The following RPTOR variants were observed in gnomAD, a reference collection of about 807,000 sequenced individuals.
The protein encoded by RPTOR is regulatory associated protein of MTOR complex 1.
In RPTOR, 21 loss-of-function variants were observed where a neutral mutation model predicts 169.9. The ratio of observed to expected loss-of-function variants is 0.12; its 90% CI spans 0.09 to 0.18. The LOEUF (loss-of-function observed/expected upper bound fraction) is 0.18, where lower values mean the gene tolerates loss of function less well. Ranked by LOEUF, RPTOR falls within the 10% of genes least tolerant of loss-of-function variation. The probability of loss-of-function intolerance (pLI) is 1.00; values close to 1 mark genes in which losing one functional copy is unlikely to be tolerated. For synonymous variants in RPTOR, 732 were observed against 753.2 expected, an observed-to-expected ratio of 0.97 and a Z score of 0.46; for missense variants, 1,133 against 1,855.9, an observed-to-expected ratio of 0.61 and a Z score of 7.16.
chr17:80,832,043 T>C (rs1006014842), intron 9 of RPTOR, among the ~76,000 whole-genome samples: 2 of 152,180 alleles, frequency 1.3e-5, no homozygotes, highest in Non-Finnish European at 2.9e-5. Context: ...GGTGCCTGGC[T>C]ATAAGGGCTT....
At position 80,964,468 on chromosome 17, in the gene RPTOR, G is replaced by A; in HGVS notation, c.*138G>A. 2 of 797,566 alleles carry A rather than the reference G, an allele frequency of 2.5e-6. No homozygotes were observed. The highest frequency in any genetic ancestry group is 4.2e-6 in the Non-Finnish European group (2 of 480,216). 49.4% of individuals were successfully genotyped at this position (797,566 alleles called of 1,614,324 possible). On this transcript the variant is annotated 3_prime_UTR_variant, in exon 34 of 34. Transcript: ENST00000306801. ...CTGCCTTAGCTGCTGATGACGGCAG[G>A]AGGGCCCTGCTACTCGCTTTTGTCT... is the stretch of plus-strand genomic sequence containing the variant.
intron 3 of RPTOR, among the ~76,000 whole-genome samples, chr17:80,687,190 A>T (rs2065955037): frequency 6.6e-6 from 1 of 152,066 alleles, no homozygotes; most frequent in Non-Finnish European, 1.5e-5. Flanking sequence ...TGTCCGTCCC[A>T]CTTCTCCTCA....
intron 13 of RPTOR, among the ~76,000 whole-genome samples, chr17:80,864,621 A>T (rs1018997917): frequency 5.9e-5 from 9 of 152,276 alleles, no homozygotes; most frequent in African/African-American, 2.2e-4. Flanking sequence ...TCCCCGGCAG[A>T]TCCACACTAC....
chr17:80,841,786 CA>C, intron 10 of RPTOR, among the ~76,000 whole-genome samples: 1 of 141,710 alleles, frequency 7.1e-6, no homozygotes, highest in South Asian at 2.3e-4. Flanking sequence ...AGCTCACTCT[CA>C]CCGCACGGCA....
At chr17:80,791,303 G>T in intron 6 of RPTOR, 147 bp from the exon 7 acceptor site, 1 of 613,760 alleles carries the variant, frequency 1.6e-6, no homozygotes, top group Non-Finnish European at 2.8e-6. Context: ...AAATCTAAAA[G>T]CTGCCGAATT....
intron 2 of RPTOR, among the ~76,000 whole-genome samples, chr17:80,641,965 C>G (rs1192780281): frequency 6.6e-6 from 1 of 152,154 alleles, no homozygotes; most frequent in Non-Finnish European, 1.5e-5. Context: ...ACAGACAGAC[C>G]TGGAGTAGTT....
In RPTOR at chr17:80,730,633, A is replaced by G; in HGVS notation, c.581A>G (p.Tyr194Cys). The change falls in exon 5 of 34, where the codon TAC (tyrosine) becomes TGC (cysteine). Residue 194 changes from tyrosine to cysteine, a missense_variant. This residue lies in a region of RPTOR where 74 missense variants were observed against 168.3 expected (regional missense o/e 0.44). Transcript: ENST00000306801. This position sits in a 1 kb window ranked among gnomAD's most constrained non-coding sequence, Gnocchi z 4.2. ...ATGGGCAGCCCGTCGATCTTCGTCT[A>G]CGACTGCTCCAATGCTGGCTTGATC... ...TWMGSPSIFV[Y>C]DCSNAGLIVK... 2 of 1,614,124 alleles carry G rather than the reference A, an allele frequency of 1.2e-6. No homozygotes were observed. Among genetic ancestry groups the G allele is most frequent in the Non-Finnish European group, 1.7e-6 (2 of 1,180,028 alleles).
intron 1 of RPTOR, among the ~76,000 whole-genome samples, chr17:80,620,216 A>G (rs2065344586): frequency 6.6e-6 from 1 of 152,322 alleles, no homozygotes; most frequent in Non-Finnish European, 1.5e-5. Context: ...CTCTTTTCAA[A>G]TTCAAAATTA....
intron 1 of RPTOR, among the ~76,000 whole-genome samples, chr17:80,561,194 C>A (rs1004786226): frequency 6.7e-6 from 1 of 150,076 alleles, no homozygotes; most frequent in African/African-American, 2.5e-5. Flanking sequence ...CCTCAGCCTC[C>A]TGAGTAGCTA....
chr17:80,772,856 A>C (rs2066857978), intron 6 of RPTOR, among the ~76,000 whole-genome samples: 1 of 152,212 alleles, frequency 6.6e-6, no homozygotes, highest in East Asian at 1.9e-4. Flanking sequence ...TGTAAGTGAA[A>C]GGTAAGTGGT....
chr17:80,752,012 TCTGCAAG>T (rs2066635542), intron 5 of RPTOR, among the ~76,000 whole-genome samples: 1 of 152,232 alleles, frequency 6.6e-6, no homozygotes, highest in Admixed American at 6.5e-5. Flanking sequence ...ATGAAGGAGT[TCTGCAAG>T]CTGTGTGGCC....
chr17:80,686,021 G>A (rs2065944523), intron 3 of RPTOR, among the ~76,000 whole-genome samples: 1 of 151,934 alleles, frequency 6.6e-6, no homozygotes, highest in African/African-American at 2.4e-5. Context: ...AGGGATTCAG[G>A]CCTCCGACCC....
intron 7 of RPTOR, among the ~76,000 whole-genome samples, chr17:80,800,230 C>G (rs764341876): frequency 6.6e-6 from 1 of 152,166 alleles, no homozygotes; most frequent in Non-Finnish European, 1.5e-5. Flanking sequence ...AAATCCAACC[C>G]GAGTCATATC....
intron 1 of RPTOR, among the ~76,000 whole-genome samples, chr17:80,575,551 G>A (rs1293973951): frequency 1.3e-5 from 2 of 152,264 alleles, no homozygotes; most frequent in South Asian, 2.1e-4. Flanking sequence ...GATGGTGTAG[G>A]TTGCACCGCT....
intron 13 of RPTOR, among the ~76,000 whole-genome samples, chr17:80,872,564 T>G (rs1168053327): frequency 6.6e-6 from 1 of 152,188 alleles, no homozygotes. Context: ...GAACTGGGTC[T>G]GTCGGTGCCC....
chr17:80,599,914 G>A (rs2065172960), intron 1 of RPTOR, among the ~76,000 whole-genome samples: 1 of 152,212 alleles, frequency 6.6e-6, no homozygotes, highest in African/African-American at 2.4e-5. Context: ...AAAATTCAAA[G>A]TGCCACCTGG....
intron 7 of RPTOR, among the ~76,000 whole-genome samples, chr17:80,798,790 A>G (rs1403152456): frequency 6.6e-6 from 1 of 152,188 alleles, no homozygotes; most frequent in Non-Finnish European, 1.5e-5. Flanking sequence ...AAATATATAA[A>G]TTTTTGAATA....
At chr17:80,665,514 C>CA (rs1185759990) in intron 3 of RPTOR, among the ~76,000 whole-genome samples, 1 of 83,204 alleles carries the variant, frequency 1.2e-5, no homozygotes, top group Non-Finnish European at 2.2e-5. Context: ...ATGTCCTTTC[C>CA]TTTCCTTTCC....
At chr17:80,851,171 C>T (rs1201743837) in intron 11 of RPTOR, among the ~76,000 whole-genome samples, 1 of 152,166 alleles carries the variant, frequency 6.6e-6, no homozygotes, top group African/African-American at 2.4e-5. Context: ...TCAAGCGATC[C>T]TCCAGCTTCA....
Sources: gnomAD v4.1 joint callset for allele counts (sites outside exome capture counted in the v4.1 genomes callset) on GRCh38, gnomAD v4.1.1 for gene constraint, gnomAD v4.1.1 regional missense constraint, Gnocchi (gnomAD v3.1) non-coding constraint, MANE v1.5 for transcripts, NCBI Gene and HGNC (gene_info 2026-07-23, HGNC 2026-07-21) for gene names.